Variants in DGKB observed in about 807,000 individuals in gnomAD.
DGKB encodes the protein diacylglycerol kinase beta.
In DGKB, 67 loss-of-function variants were observed where a neutral mutation model predicts 114.3. That is an observed-to-expected ratio of 0.59 (90% CI 0.48 to 0.72). The LOEUF is 0.72. Among genes scored for constraint, DGKB ranks in the 30% least tolerant of loss-of-function variants. The pLI is 0.00. For synonymous variants in DGKB, 398 were observed against 323.1 expected (o/e 1.23, Z -2.49); for missense variants, 907 against 975.2 (o/e 0.93, Z 0.93).
At chr7:14,364,477 T>G (rs554465772) in intron 21 of DGKB, among the ~76,000 whole-genome samples, 1 of 152,152 alleles carries the variant, frequency 6.6e-6, no homozygotes, top group Non-Finnish European at 1.5e-5. Flanking sequence ...AAAATCTGTA[T>G]TCTTTTTGTT....
At chr7:14,691,148 A>G (rs1822793800) in intron 9 of DGKB, among the ~76,000 whole-genome samples, 1 of 152,216 alleles carries the variant, frequency 6.6e-6, no homozygotes, top group African/African-American at 2.4e-5. Flanking sequence ...AGAAAAATAA[A>G]TTGCATTGAA....
chr7:14,328,520 T>C (rs1291917727), intron 23 of DGKB, among the ~76,000 whole-genome samples: 3 of 152,058 alleles, frequency 2.0e-5, no homozygotes, highest in Non-Finnish European at 2.9e-5. Context: ...TGTTCAAAGA[T>C]ACATTTTCTT....
chr7:14,525,613 CAT>C (rs1790515498), intron 20 of DGKB, among the ~76,000 whole-genome samples: 1 of 151,932 alleles, frequency 6.6e-6, no homozygotes, highest in Admixed American at 6.6e-5. Context: ...AAATTAGAGA[CAT>C]AACACTGTTG....
chr7:14,237,127 G>A (rs1792919568), intron 23 of DGKB, among the ~76,000 whole-genome samples: 1 of 151,930 alleles, frequency 6.6e-6, no homozygotes, highest in Non-Finnish European at 1.5e-5. Context: ...CGTTACACTT[G>A]CCTAGCACAT....
At chr7:14,924,593 A>G (rs1784664799) in intron 1 of DGKB, among the ~76,000 whole-genome samples, 2 of 152,170 alleles carry the variant, frequency 1.3e-5, no homozygotes, top group Non-Finnish European at 1.5e-5. Flanking sequence ...CTATCTTAAT[A>G]GTTCACTAGT....
intron 21 of DGKB, among the ~76,000 whole-genome samples, chr7:14,477,897 C>T (rs1365093208): frequency 6.6e-6 from 1 of 152,000 alleles, no homozygotes; most frequent in Non-Finnish European, 1.5e-5. Flanking sequence ...CTATTAATTT[C>T]ATGTTTTACT....
At chr7:14,548,730 T>C (rs1275896195) in intron 20 of DGKB, among the ~76,000 whole-genome samples, 2 of 152,058 alleles carry the variant, frequency 1.3e-5, no homozygotes, top group South Asian at 2.1e-4. Context: ...ATGGGGAGCA[T>C]GGGTTTGAGA....
chr7:14,775,567 G>T (rs1265083028), intron 2 of DGKB, among the ~76,000 whole-genome samples: 1 of 151,872 alleles, frequency 6.6e-6, no homozygotes, highest in Non-Finnish European at 1.5e-5. Flanking sequence ...TCATCGAGAT[G>T]GTTACTTCCA....
chr7:14,658,358 T>C (rs1816290761), intron 13 of DGKB, among the ~76,000 whole-genome samples: 2 of 151,942 alleles, frequency 1.3e-5, no homozygotes, highest in Non-Finnish European at 2.9e-5. Flanking sequence ...ATGTGGGAGT[T>C]AAAAAGTTAA....
chr7:14,495,299 C>A (rs1785140821), intron 20 of DGKB, among the ~76,000 whole-genome samples: 1 of 151,766 alleles, frequency 6.6e-6, no homozygotes, highest in Non-Finnish European at 1.5e-5. Context: ...GCCATTATAA[C>A]AAGAAACCTT....
intron 1 of DGKB, among the ~76,000 whole-genome samples, chr7:14,886,376 G>C (rs1357648120): frequency 6.6e-6 from 1 of 151,744 alleles, no homozygotes; most frequent in Non-Finnish European, 1.5e-5. Flanking sequence ...AATCTAGTAG[G>C]AGATGAGGAC....
intron 20 of DGKB, among the ~76,000 whole-genome samples, chr7:14,489,990 G>A (rs114632513): frequency 0.015 from 2,285 of 152,220 alleles, 49 homozygotes; most frequent in African/African-American, 0.053. Flanking sequence ...CACGGCAAAA[G>A]TCTGAAAGTA....
chr7:14,458,457 A>G (rs1475648161), intron 21 of DGKB, among the ~76,000 whole-genome samples: 3 of 152,170 alleles, frequency 2.0e-5, no homozygotes, highest in African/African-American at 4.8e-5. Context: ...AGCGAAATCA[A>G]TGCAGAAGGT....
chr7:14,548,372 G>C (rs1340924104), intron 20 of DGKB, among the ~76,000 whole-genome samples: 1 of 152,182 alleles, frequency 6.6e-6, no homozygotes, highest in Admixed American at 6.5e-5. Flanking sequence ...AGTTAATACG[G>C]AGTGCCCCAA....
intron 23 of DGKB, among the ~76,000 whole-genome samples, chr7:14,257,389 G>C (rs1333433446): frequency 6.6e-6 from 1 of 152,090 alleles, no homozygotes; most frequent in Non-Finnish European, 1.5e-5. Flanking sequence ...ATTTGGAAGA[G>C]TCTCTGAGTA....
chr7:14,917,085 G>C (rs1395647345), intron 1 of DGKB, among the ~76,000 whole-genome samples: 1 of 151,906 alleles, frequency 6.6e-6, no homozygotes, highest in Non-Finnish European at 1.5e-5. Flanking sequence ...TAAACTAAAT[G>C]ACTAAGAAAA....
At chr7:14,468,323 G>T (rs1780783418) in intron 21 of DGKB, among the ~76,000 whole-genome samples, 1 of 152,004 alleles carries the variant, frequency 6.6e-6, no homozygotes, top group African/African-American at 2.4e-5. Flanking sequence ...TCTGTCTCCA[G>T]CACACAATTG....
chr7:14,734,103 C>T (rs1427762381), intron 5 of DGKB, among the ~76,000 whole-genome samples: 1 of 151,836 alleles, frequency 6.6e-6, no homozygotes, highest in Non-Finnish European at 1.5e-5. Flanking sequence ...GATGCGATCT[C>T]GGCTTACTGC....
chr7:14,366,968 T>G (rs1816780022), intron 21 of DGKB, among the ~76,000 whole-genome samples: 1 of 152,092 alleles, frequency 6.6e-6, no homozygotes, highest in Admixed American at 6.6e-5. Context: ...TGGCTCAACT[T>G]GTGATTTTCA....
Sources: gnomAD v4.1 joint callset for allele counts (sites outside exome capture counted in the v4.1 genomes callset) on GRCh38, gnomAD v4.1.1 for gene constraint, MANE v1.5 for transcripts, NCBI Gene and HGNC (gene_info 2026-07-23, HGNC 2026-07-21) for gene names.